MAGI2: variants seen among roughly 807,000 people sequenced by gnomAD.
The protein encoded by MAGI2 is membrane-associated guanylate kinase, WW and PDZ domain-containing protein 2.
Under a neutral mutation model 133.3 loss-of-function variants are expected in MAGI2, and 35 were observed. That is an observed-to-expected ratio of 0.26 (90% CI 0.20 to 0.35). The LOEUF (loss-of-function observed/expected upper bound fraction) is 0.35. MAGI2 is among the 10% of genes least tolerant of loss of function. MAGI2 has a pLI of 1.00. For missense variants in MAGI2, 1,636 were observed against 1,863.4 expected, an observed-to-expected ratio of 0.88 and a Z score of 2.25; for synonymous variants, 729 against 710.6, an observed-to-expected ratio of 1.03 and a Z score of -0.41.
At chr7:79,376,465 T>G (rs570432882) in intron 1 of MAGI2, among the ~76,000 whole-genome samples, 1 of 152,016 alleles carries the variant, frequency 6.6e-6, no homozygotes, top group Admixed American at 6.6e-5. Context: ...AGCATTAGGC[T>G]TCTATTGATC....
intron 10 of MAGI2, among the ~76,000 whole-genome samples, chr7:78,204,508 T>C (rs1171179244): frequency 6.6e-6 from 1 of 152,218 alleles, no homozygotes; most frequent in African/African-American, 2.4e-5. Context: ...GCCATATTCT[T>C]TAAAATAATA....
At chr7:78,889,955 C>T (rs1254596533) in intron 2 of MAGI2, among the ~76,000 whole-genome samples, 4 of 152,246 alleles carry the variant, frequency 2.6e-5, no homozygotes, top group African/African-American at 7.2e-5. Context: ...AGAGTCAAGA[C>T]GCATCAGTGT....
chr7:79,208,558 A>G (rs759817751), intron 1 of MAGI2, among the ~76,000 whole-genome samples: 3 of 151,978 alleles, frequency 2.0e-5, no homozygotes, highest in Admixed American at 6.6e-5. Context: ...TGGAGAAAAG[A>G]GAATCCTTGT....
At chr7:79,428,474 G>A (rs865892338) in intron 1 of MAGI2, among the ~76,000 whole-genome samples, 14 of 152,050 alleles carry the variant, frequency 9.2e-5, no homozygotes, top group African/African-American at 2.9e-4. Context: ...TGACTGTCTT[G>A]CCATGCTGAT....
intron 1 of MAGI2, among the ~76,000 whole-genome samples, chr7:79,062,560 C>T (rs993793391): frequency 6.6e-6 from 1 of 151,998 alleles, no homozygotes; most frequent in Non-Finnish European, 1.5e-5. Flanking sequence ...TTGAAAAATG[C>T]AAAAGATTAA....
chr7:78,254,471 C>T (rs1310375972), intron 10 of MAGI2: 2 of 152,208 alleles, frequency 1.3e-5, no homozygotes, highest in Non-Finnish European at 1.5e-5. Flanking sequence ...AAATACCTTG[C>T]CAACATTTAA....
chr7:79,127,341 T>C (rs113375823), intron 1 of MAGI2, among the ~76,000 whole-genome samples: 97 of 152,214 alleles, frequency 6.4e-4, no homozygotes, highest in African/African-American at 2.3e-3. Context: ...GGTCAAATGG[T>C]ATTTCTAGTT....
At chr7:79,152,166 A>T (rs1823319223) in intron 1 of MAGI2, among the ~76,000 whole-genome samples, 1 of 152,218 alleles carries the variant, frequency 6.6e-6, no homozygotes, top group Non-Finnish European at 1.5e-5. Context: ...GTAGAAGAGT[A>T]TCTAAGTGTA....
chr7:79,066,195 C>T (rs1370269093), intron 1 of MAGI2, among the ~76,000 whole-genome samples: 5 of 151,890 alleles, frequency 3.3e-5, no homozygotes, highest in Non-Finnish European at 5.9e-5. Flanking sequence ...AATGCATTCC[C>T]GTTTCTCCAC....
intron 2 of MAGI2, among the ~76,000 whole-genome samples, chr7:78,867,946 G>GTGA (rs900056768): frequency 3.9e-5 from 6 of 151,904 alleles, no homozygotes; most frequent in Admixed American, 1.3e-4. Context: ...CACAGCAGGA[G>GTGA]TGATAATAAG....
At chr7:78,560,801 T>C (rs1371868376) in intron 3 of MAGI2, among the ~76,000 whole-genome samples, 3 of 152,214 alleles carry the variant, frequency 2.0e-5, no homozygotes, top group African/African-American at 4.8e-5. Context: ...CTGGATTATC[T>C]GCTGAGAGCA....
At chr7:78,040,115 ATAAT>A (rs3840612) in intron 21 of MAGI2, among the ~76,000 whole-genome samples, 27,989 of 152,140 alleles carry the variant, frequency 0.18, 3,369 homozygotes, top group African/African-American at 0.34. Flanking sequence ...ATTAGTAATA[ATAAT>A]TCGTGCAAAT....
At position 78,295,439 on chromosome 7, in the gene MAGI2, C is replaced by A. The variant is rs548529539; in HGVS notation, c.1409-38858G>T. On this transcript the variant is annotated intron_variant, in intron 9 of 21. Coordinates refer to ENST00000354212, the MANE Select transcript of MAGI2 (RefSeq NM_012301.4). ...CACTGAAGGAAAGATAGCCTCATAA[C>A]CTCTATTAAGTTTAAAAGAATCTCT... 1.4e-4 allele frequency among the ~76,000 whole-genome samples: 21 copies of A among 152,230 alleles called. No individual in the cohort carries two copies. In the South Asian group the frequency reaches 2.3e-3, roughly 17 times the overall value.
At chr7:79,113,191 G>T (rs1819079948) in intron 1 of MAGI2, among the ~76,000 whole-genome samples, 1 of 152,016 alleles carries the variant, frequency 6.6e-6, no homozygotes, top group African/African-American at 2.4e-5. Context: ...ACTTCCTCAG[G>T]GCTGTCATCC....
chr7:78,446,593 G>T (rs1478052980), intron 6 of MAGI2, among the ~76,000 whole-genome samples: 1 of 152,176 alleles, frequency 6.6e-6, no homozygotes, highest in African/African-American at 2.4e-5. Context: ...ACCAGATTTT[G>T]TTACCAGTAG....
intron 2 of MAGI2, among the ~76,000 whole-genome samples, chr7:78,823,112 TGTAAG>T (rs942862604): frequency 1.4e-4 from 22 of 152,136 alleles, no homozygotes; most frequent in African/African-American, 5.3e-4. Context: ...AGACTTAAAT[TGTAAG>T]GTAATTTTAA....
chr7:78,297,982 T>A (rs1275310595), intron 9 of MAGI2, among the ~76,000 whole-genome samples: 1 of 108,704 alleles, frequency 9.2e-6, no homozygotes, highest in East Asian at 3.9e-4. Flanking sequence ...ACTTAAAGTA[T>A]AATTAAAAAA....
At chr7:78,469,065 G>A (rs143343196) in intron 6 of MAGI2, among the ~76,000 whole-genome samples, 7 of 152,186 alleles carry the variant, frequency 4.6e-5, no homozygotes, top group East Asian at 3.9e-4. Context: ...ATTCTCAATC[G>A]TCTGGGGAAC....
Position 78,688,072 on chromosome 7 carries a change from AAAT to A in MAGI2, c.419-60836_419-60834del, listed in dbSNP as rs532760622. 6.8e-4 allele frequency among the ~76,000 whole-genome samples: 103 copies of A among 152,174 alleles called. 1 individual carries two copies. The highest frequency in any genetic ancestry group is 2.3e-3 in the African/African-American group (96 of 41,554). ...TAGCAAATAAGTGTGGGACTGACAA[AAAT>A]AATGTGTTAATCACATTTAGCATAT... On this transcript the variant is annotated intron_variant, in intron 2 of 21. Transcript: ENST00000354212.
Sources: gnomAD v4.1 joint callset for allele counts (sites outside exome capture counted in the v4.1 genomes callset) on GRCh38, gnomAD v4.1.1 for gene constraint, MANE v1.5 for transcripts, NCBI Gene and HGNC (gene_info 2026-07-23, HGNC 2026-07-21) for gene names.